PDK1: variants seen among roughly 807,000 people sequenced by gnomAD.
The protein encoded by PDK1 is pyruvate dehydrogenase kinase 1.
PDK1 carries 39 observed loss-of-function variants against 54.2 expected under a neutral mutation model. The ratio of observed to expected loss-of-function variants is 0.72; its 90% CI spans 0.56 to 0.94. The LOEUF (loss-of-function observed/expected upper bound fraction) is 0.94, where lower values mean the gene tolerates loss of function less well. Ranked by LOEUF, PDK1 falls within the 40% of genes least tolerant of loss-of-function variation. The pLI is 0.00. For synonymous variants in PDK1, 221 were observed against 207.1 expected (o/e 1.07, Z -0.58); for missense variants, 552 against 566.0 (o/e 0.98, Z 0.25).
downstream of PDK1, chr2:172,608,704 A>T (rs1251645188): frequency 6.6e-6 from 1 of 152,028 alleles, no homozygotes; most frequent in African/African-American, 2.4e-5. Flanking sequence ...AGCCACCTAG[A>T]CCCTCTGAGA....
At chr2:172,688,370 A>G in the PDK1 span, among the ~76,000 whole-genome samples, 8 of 151,456 alleles carry the variant, frequency 5.3e-5, no homozygotes, top group East Asian at 7.7e-4. Flanking sequence ...CAGAGCACCA[A>G]TGTTGAAATC....
chr2:172,556,050 C>G (rs1028628051), upstream of PDK1: 22 of 903,084 alleles, frequency 2.4e-5, no homozygotes, highest in Admixed American at 3.9e-4. Flanking sequence ...CGGTGACAGC[C>G]GATCCCCGCC....
intron 9 of PDK1, among the ~76,000 whole-genome samples, chr2:172,590,965 C>T (rs1014944843): frequency 9.2e-5 from 14 of 152,238 alleles, no homozygotes; most frequent in East Asian, 3.9e-4. Flanking sequence ...GGGAATTGGG[C>T]GATGACCGCT....
rs34178124 is a variant in PDK1 at position 172,576,382 on chromosome 2, C to CTT, written c.945+5566_945+5567dup. Among the ~76,000 whole-genome samples, 804 of 150,688 alleles carry CTT rather than the reference C, an allele frequency of 5.3e-3. 10 individuals carry two copies. Among genetic ancestry groups the CTT allele is most frequent in the African/African-American group, 0.018 (752 of 41,040 alleles). On this transcript the variant is annotated intron_variant, in intron 8 of 10. Transcript: ENST00000282077. ...TCCTGGTTTTATAAATTTGAGTCTT[C>CTT]TTTTTTTTTCTTGGTCAATATAGCT...
the PDK1 span, among the ~76,000 whole-genome samples, chr2:172,686,741 C>A: frequency 6.6e-6 from 1 of 152,228 alleles, no homozygotes; most frequent in Admixed American, 6.5e-5. Flanking sequence ...CTGCAAAGGT[C>A]TGCAGCTTCA....
the PDK1 span, among the ~76,000 whole-genome samples, chr2:172,649,681 C>T: frequency 1.1e-4 from 17 of 152,214 alleles, no homozygotes; most frequent in Admixed American, 7.2e-4. Context: ...ATGAGAACTA[C>T]GTGACGCATG....
chr2:172,595,676 C>A (rs187827991), intron 10 of PDK1, among the ~76,000 whole-genome samples, 153 bp from the exon 11 acceptor site: 2 of 152,204 alleles, frequency 1.3e-5, no homozygotes, highest in African/African-American at 4.8e-5. Context: ...ATATACATAC[C>A]ATTTAAAAGT....
At chr2:172,587,226 T>C (rs1232887735) in intron 9 of PDK1, among the ~76,000 whole-genome samples, 6 of 152,212 alleles carry the variant, frequency 3.9e-5, no homozygotes, top group Non-Finnish European at 8.8e-5. Context: ...TTAAAGATGG[T>C]GTATCCAGAG....
chr2:172,595,743 G>T (rs966136469), intron 10 of PDK1, 86 bp from the exon 11 acceptor site: 3 of 1,078,204 alleles, frequency 2.8e-6, no homozygotes, highest in Non-Finnish European at 4.2e-6. Flanking sequence ...TTAATTTGTC[G>T]TAACCTTTTT....
At chr2:172,635,938 A>C in the PDK1 span, among the ~76,000 whole-genome samples, 1 of 152,238 alleles carries the variant, frequency 6.6e-6, no homozygotes, top group Non-Finnish European at 1.5e-5. Flanking sequence ...TTTCCTGTGG[A>C]AACCCAGTAA....
chr2:172,718,805 TTA>T, the PDK1 span, among the ~76,000 whole-genome samples: 2 of 152,198 alleles, frequency 1.3e-5, no homozygotes, highest in Non-Finnish European at 2.9e-5. Context: ...CTGTCTTTAT[TTA>T]TCTTTTTATG....
chr2:172,675,668 A>G, the PDK1 span, among the ~76,000 whole-genome samples: 1 of 152,226 alleles, frequency 6.6e-6, no homozygotes, highest in Non-Finnish European at 1.5e-5. Flanking sequence ...CCATCTCTAT[A>G]ACATAAAAGT....
chr2:172,616,953 T>C, the PDK1 span, among the ~76,000 whole-genome samples: 3 of 151,858 alleles, frequency 2.0e-5, no homozygotes, highest in Non-Finnish European at 4.4e-5. Flanking sequence ...TTGGTTATTT[T>C]ATTTTATTTA....
the PDK1 span, among the ~76,000 whole-genome samples, chr2:172,644,810 G>A: frequency 1.5e-4 from 23 of 152,184 alleles, no homozygotes; most frequent in African/African-American, 4.8e-4. Flanking sequence ...TTACACATAA[G>A]GAGTGTGATG....
intron 5 of PDK1, 128 bp from the exon 6 acceptor site, chr2:172,566,728 A>T (rs1336323019): frequency 1.9e-6 from 1 of 520,316 alleles, no homozygotes; most frequent in African/African-American, 2.0e-5. Flanking sequence ...CTTTCACCAA[A>T]CTATCAAAGT....
rs1489210674 is a variant in PDK1 at position 172,596,026 on chromosome 2, A to G, written c.*57A>G. On this transcript the variant is annotated 3_prime_UTR_variant, in exon 11 of 11. Coordinates refer to ENST00000282077, the MANE Select transcript of PDK1 (RefSeq NM_002610.5). The stretch of plus-strand genomic sequence containing the variant: ...GGCTTTTGTATTAAATTTGGAAGGT[A>G]TGGTGTTCAGAACTATATTATACCA... 6.7e-6 allele frequency: 10 copies of G among 1,486,898 alleles called. No individual in the cohort carries two copies. The highest frequency in any genetic ancestry group is 9.2e-6 in the Non-Finnish European group (10 of 1,086,158). The allele number at this position is 1,486,898 out of a possible 1,614,324, so 92.1% of individuals were successfully genotyped here.
At chr2:172,678,401 T>G in the PDK1 span, among the ~76,000 whole-genome samples, 1 of 151,926 alleles carries the variant, frequency 6.6e-6, no homozygotes, top group East Asian at 1.9e-4. Context: ...GGTAATTCAG[T>G]TGGAAGTGGC....
chr2:172,595,846 A>C lies in PDK1; in HGVS notation c.1188A>C (p.Ser396=), dbSNP rs778764959. 3.1e-6 allele frequency: 5 copies of C among 1,613,772 alleles called. No individual in the cohort carries two copies. Among genetic ancestry groups the C allele is most frequent in the Non-Finnish European group, 4.2e-6 (5 of 1,179,794 alleles). The change falls in exon 11 of 11, where the codon TCA becomes TCC. Residue 396 remains serine (S), a synonymous_variant. Transcript: ENST00000282077. ...TTTTTCAGGCTCTGTCAACAGACTC[A>C]ATAGAAAGACTCCCAGTGTATAACA... The part of the protein sequence containing the change: ...VIYIKALSTD[S]IERLPVYNKA...
chr2:172,579,528 T>TC (rs1403614779), intron 8 of PDK1, among the ~76,000 whole-genome samples: 16 of 147,912 alleles, frequency 1.1e-4, no homozygotes, highest in African/African-American at 3.5e-4. Context: ...GCTCTTTCTT[T>TC]TTTTTTTTTT....
Sources: gnomAD v4.1 joint callset for allele counts (sites outside exome capture counted in the v4.1 genomes callset) on GRCh38, gnomAD v4.1.1 for gene constraint, MANE v1.5 for transcripts, NCBI Gene and HGNC (gene_info 2026-07-23, HGNC 2026-07-21) for gene names.